ZNF385D: variants seen among roughly 807,000 people sequenced by gnomAD.
ZNF385D encodes zinc finger protein 659.
In ZNF385D, 15 loss-of-function variants were observed where a neutral mutation model predicts 35.8. The observed-to-expected ratio is 0.42, with a 90% CI of 0.28 to 0.64. The LOEUF is 0.64. ZNF385D is among the 30% of genes least tolerant of loss of function. The probability of loss-of-function intolerance (pLI) is 0.23; values close to 1 mark genes in which losing one functional copy is unlikely to be tolerated. For missense variants in ZNF385D, 474 were observed against 494.6 expected (o/e 0.96, Z 0.39); for synonymous variants, 212 against 186.8 (o/e 1.13, Z -1.10).
At chr3:22,321,747 T>A (rs1017397346) in intron 2 of ZNF385D, among the ~76,000 whole-genome samples, 3 of 152,162 alleles carry the variant, frequency 2.0e-5, no homozygotes, top group African/African-American at 7.2e-5. Context: ...TGCTATTTCC[T>A]ACTTTTTTCC....
Position 22,317,839 on chromosome 3 carries a change from T to C in ZNF385D, c.106+54611A>G, listed in dbSNP as rs535031800. On this transcript the variant is annotated intron_variant, in intron 2 of 5. Coordinates refer to the ZNF385D transcript ENST00000494108. ...ACTTTAGGAGGCTAAGGCAGGCAGA[T>C]TGCTTGAGGCCAGGAGTTTGAGACC... Among the ~76,000 whole-genome samples, 6 of 152,236 alleles carry C rather than the reference T, an allele frequency of 3.9e-5. No homozygotes were observed. In the South Asian group the frequency reaches 8.3e-4, roughly 21 times the overall value.
intron 3 of ZNF385D, among the ~76,000 whole-genome samples, chr3:22,145,319 T>G (rs892058965): frequency 6.6e-6 from 1 of 152,234 alleles, no homozygotes; most frequent in Middle Eastern, 3.2e-3. Context: ...GAATCTGATG[T>G]TGAAGATACA....
intron 2 of ZNF385D, among the ~76,000 whole-genome samples, chr3:22,284,807 G>A (rs528250609): frequency 6.6e-6 from 1 of 152,180 alleles, no homozygotes; most frequent in Non-Finnish European, 1.5e-5. Flanking sequence ...GGAGATAGGA[G>A]AAATGTATAA....
At chr3:22,130,588 A>C (rs569296348) in intron 3 of ZNF385D, among the ~76,000 whole-genome samples, 2 of 152,120 alleles carry the variant, frequency 1.3e-5, no homozygotes, top group East Asian at 3.9e-4. Context: ...CTGAGTTCCA[A>C]TGCAAACTTC....
chr3:21,859,600 G>T (rs1039050670), intron 3 of ZNF385D, among the ~76,000 whole-genome samples: 1 of 151,202 alleles, frequency 6.6e-6, no homozygotes, highest in Admixed American at 6.6e-5. Context: ...CAATTCAGCT[G>T]CCTGCAGACC....
intron 2 of ZNF385D, among the ~76,000 whole-genome samples, chr3:22,345,847 G>C (rs1695634173): frequency 1.3e-5 from 2 of 152,160 alleles, no homozygotes; most frequent in African/African-American, 4.8e-5. Context: ...GCAATGACTG[G>C]TCAACATGAA....
chr3:22,174,270 T>C (rs1235291138), intron 2 of ZNF385D, among the ~76,000 whole-genome samples: 2 of 152,174 alleles, frequency 1.3e-5, no homozygotes, highest in East Asian at 3.8e-4. Flanking sequence ...GGTTACATCG[T>C]TTTGTCTATG....
At chr3:21,548,381 A>G (rs2062452997) in intron 3 of ZNF385D, among the ~76,000 whole-genome samples, 1 of 152,204 alleles carries the variant, frequency 6.6e-6, no homozygotes, top group African/African-American at 2.4e-5. Flanking sequence ...CCTTCCTAGC[A>G]TTAATGCCTT....
intron 3 of ZNF385D, among the ~76,000 whole-genome samples, chr3:22,029,625 A>C (rs1380888194): frequency 3.3e-5 from 5 of 152,350 alleles, no homozygotes; most frequent in Admixed American, 2.6e-4. Flanking sequence ...ATACACTTGT[A>C]CTAAGAAAAT....
chr3:21,613,342 T>TAA (rs11434152), intron 2 of ZNF385D, among the ~76,000 whole-genome samples: 158 of 144,330 alleles, frequency 1.1e-3, no homozygotes, highest in African/African-American at 3.0e-3. Flanking sequence ...AGTCAGAAGA[T>TAA]AAAAAAAAAA....
chr3:21,430,390 C>T (rs981051316), intron 5 of ZNF385D, among the ~76,000 whole-genome samples: 5 of 151,964 alleles, frequency 3.3e-5, no homozygotes, highest in Admixed American at 2.6e-4. Flanking sequence ...AATAAGCATG[C>T]TTTTTTCAGA....
At chr3:21,921,090 G>A (rs1700436183) in intron 3 of ZNF385D, among the ~76,000 whole-genome samples, 1 of 151,716 alleles carries the variant, frequency 6.6e-6, no homozygotes, top group Admixed American at 6.6e-5. Context: ...CGGCGTGATG[G>A]CGGGCGCCTG....
At position 22,042,214 on chromosome 3, in the gene ZNF385D, C is replaced by T. The variant is rs1363594604; in HGVS notation, c.325+126603G>A. Among the ~76,000 whole-genome samples the T allele has an allele frequency of 2.6e-5, 4 of 152,180 alleles. No homozygotes were observed. In the East Asian group the frequency reaches 5.8e-4, roughly 22 times the overall value. Reference sequence around the variant, plus strand: ...CTCACTAGTTATGAAACTGGGAATCCTCTACAAACCTCATTTCTTAATCTG... The same window carrying T: ...CTCACTAGTTATGAAACTGGGAATCTTCTACAAACCTCATTTCTTAATCTG... On this transcript the variant is annotated intron_variant, in intron 3 of 5. Coordinates refer to the ZNF385D transcript ENST00000494108.
At chr3:21,821,642 A>G (rs530402675) in intron 3 of ZNF385D, among the ~76,000 whole-genome samples, 2 of 152,190 alleles carry the variant, frequency 1.3e-5, no homozygotes, top group African/African-American at 4.8e-5. Flanking sequence ...AATGTAAATT[A>G]AAATCACAAG....
intron 2 of ZNF385D, among the ~76,000 whole-genome samples, chr3:22,364,901 G>T (rs1195102887): frequency 6.6e-6 from 1 of 151,956 alleles, no homozygotes; most frequent in Non-Finnish European, 1.5e-5. Flanking sequence ...CACACACAGT[G>T]GAATATCATC....
At chr3:21,775,050 T>C (rs553013878) in intron 3 of ZNF385D, among the ~76,000 whole-genome samples, 1 of 151,844 alleles carries the variant, frequency 6.6e-6, no homozygotes, top group Admixed American at 6.6e-5. Flanking sequence ...ACAAATGACA[T>C]AACCTGAGAA....
chr3:22,350,350 C>A (rs1211100249), intron 2 of ZNF385D, among the ~76,000 whole-genome samples: 1 of 151,942 alleles, frequency 6.6e-6, no homozygotes, highest in African/African-American at 2.4e-5. Context: ...TGCAGTTAAC[C>A]CTTTAGGATG....
intron 4 of ZNF385D, among the ~76,000 whole-genome samples, chr3:21,498,709 C>T: frequency 6.6e-6 from 1 of 151,890 alleles, no homozygotes; most frequent in East Asian, 1.9e-4. Context: ...TTTGGGAGGC[C>T]AAGGCAGGTG....
At chr3:22,091,256 T>C (rs1194651811) in intron 3 of ZNF385D, among the ~76,000 whole-genome samples, 1 of 152,010 alleles carries the variant, frequency 6.6e-6, no homozygotes, top group African/African-American at 2.4e-5. Context: ...AGCCTACTGG[T>C]GAAGATAAAC....
Sources: gnomAD v4.1 joint callset for allele counts (sites outside exome capture counted in the v4.1 genomes callset) on GRCh38, gnomAD v4.1.1 for gene constraint, MANE v1.5 for transcripts, NCBI Gene and HGNC (gene_info 2026-07-23, HGNC 2026-07-21) for gene names.